Variants in SCN1A observed in about 807,000 individuals in gnomAD.
The protein encoded by SCN1A is sodium channel protein type 1 subunit alpha.
Under a neutral mutation model 193.7 loss-of-function variants are expected in SCN1A, and 13 were observed. The ratio of observed to expected loss-of-function variants is 0.07; its 90% confidence interval spans 0.04 to 0.11. The LOEUF (loss-of-function observed/expected upper bound fraction) is 0.11, where lower values mean the gene tolerates loss of function less well. SCN1A is among the 10% of genes least tolerant of loss of function. The pLI is 1.00. For missense variants in SCN1A, 1,432 were observed against 2,451.1 expected, an observed-to-expected ratio of 0.58 and a Z score of 8.78; for synonymous variants, 781 against 843.6, an observed-to-expected ratio of 0.93 and a Z score of 1.29.
intron 1 of SCN1A, among the ~76,000 whole-genome samples, chr2:166,146,892 G>C (rs544066792): frequency 1.3e-5 from 2 of 152,262 alleles, no homozygotes; most frequent in African/African-American, 4.8e-5. Flanking sequence ...ACATAGTACT[G>C]CTTACAGTAG....
intron 2 of SCN1A, among the ~76,000 whole-genome samples, chr2:166,113,064 G>A (rs1031429195): frequency 1.3e-5 from 2 of 152,128 alleles, no homozygotes; most frequent in African/African-American, 4.8e-5. Flanking sequence ...AGTTCCAGAG[G>A]CCTGGGTCTT....
At chr2:166,011,122 C>A (rs978310419) in intron 22 of SCN1A, among the ~76,000 whole-genome samples, 13 of 151,160 alleles carry the variant, frequency 8.6e-5, no homozygotes, top group African/African-American at 3.1e-4. Context: ...AGATTTCTCT[C>A]AATTGGCTCA....
chr2:166,055,175 C>T (rs10209560), intron 6 of SCN1A, among the ~76,000 whole-genome samples: 72,712 of 149,156 alleles, frequency 0.49, 18,181 homozygotes, highest in East Asian at 0.57. Flanking sequence ...TGAGAGGAAA[C>T]TGACAAATTA....
chr2:166,039,348 CTA>C, intron 17 of SCN1A, 73 bp downstream of exon 17: 5 of 1,474,282 alleles, frequency 3.4e-6, no homozygotes, highest in Non-Finnish European at 4.7e-6. Flanking sequence ...GGCAAAAAAA[CTA>C]TGACATTGCT....
chr2:166,095,674 A>C (rs1186871618), intron 2 of SCN1A, among the ~76,000 whole-genome samples: 2 of 152,184 alleles, frequency 1.3e-5, no homozygotes, highest in East Asian at 1.9e-4. Flanking sequence ...TTCTTGGTTC[A>C]AAATATACTA....
At chr2:166,070,231 C>G (rs1418614472) in intron 4 of SCN1A, among the ~76,000 whole-genome samples, 1 of 152,278 alleles carries the variant, frequency 6.6e-6, no homozygotes, top group Non-Finnish European at 1.5e-5. Flanking sequence ...ATCATGTGTT[C>G]TAAGCACACC....
At position 166,117,735 on chromosome 2, in the gene SCN1A, G is replaced by A. The variant is rs573449762; in HGVS notation, c.-142+9189C>T. 6.6e-5 allele frequency among the ~76,000 whole-genome samples: 10 copies of A among 152,298 alleles called. No homozygotes were observed. The East Asian group carries it at 1.7e-3, about 27-fold the overall frequency. ...TTTTTGGCCGGGCACGGAGGTTCAT[G>A]CCTGTAATCCCAGCACTTTGGGAGG... On this transcript the variant is annotated intron_variant, in intron 2 of 28. Coordinates refer to ENST00000674923, the MANE Select transcript of SCN1A (RefSeq NM_001165963.4).
intron 2 of SCN1A, among the ~76,000 whole-genome samples, chr2:166,091,593 T>A (rs917013219): frequency 6.6e-6 from 1 of 152,192 alleles, no homozygotes; most frequent in South Asian, 2.1e-4. Context: ...GACTGCCTGC[T>A]ATATTTGCAG....
chr2:166,123,669 C>G (rs994069284), intron 2 of SCN1A: 2 of 152,160 alleles, frequency 1.3e-5, no homozygotes, highest in South Asian at 4.1e-4. Context: ...GAGAACTTTA[C>G]AAACTCTCAA....
At chr2:166,013,580 T>A (rs1692829822) in intron 21 of SCN1A, among the ~76,000 whole-genome samples, 164 bp downstream of exon 21, 1 of 151,506 alleles carries the variant, frequency 6.6e-6, no homozygotes, top group African/African-American at 2.4e-5. Flanking sequence ...TAGTAAAAGT[T>A]AATCCAGAAA....
intron 19 of SCN1A, among the ~76,000 whole-genome samples, chr2:166,019,023 A>T (rs1193665313): frequency 2.6e-5 from 4 of 152,220 alleles, no homozygotes; most frequent in Admixed American, 2.6e-4. Flanking sequence ...CATGAGGACT[A>T]CTTTATAAAC....
At chr2:166,033,125 G>A (rs895915009) in intron 19 of SCN1A, among the ~76,000 whole-genome samples, 2 of 152,110 alleles carry the variant, frequency 1.3e-5, no homozygotes, top group Admixed American at 6.5e-5. Flanking sequence ...AGACGCATGA[G>A]TCAAGAAGAT....
upstream of SCN1A, among the ~76,000 whole-genome samples, chr2:166,131,511 A>C (rs149523559): frequency 1.3e-5 from 2 of 152,284 alleles, no homozygotes; most frequent in East Asian, 1.9e-4. Flanking sequence ...CTGTCAATAG[A>C]TTTTGGGTAT....
chr2:166,008,629 T>G (rs1372491416), intron 23 of SCN1A, among the ~76,000 whole-genome samples: 1 of 151,146 alleles, frequency 6.6e-6, no homozygotes, highest in Admixed American at 6.6e-5. Context: ...AGTTTTCATA[T>G]ATGTTAGGGA....
chr2:166,063,956 T>C (rs1193609174), intron 4 of SCN1A, among the ~76,000 whole-genome samples: 1 of 152,082 alleles, frequency 6.6e-6, no homozygotes, highest in Admixed American at 6.6e-5. Flanking sequence ...AAACCATCCA[T>C]TGTTCAGCAA....
intron 19 of SCN1A, among the ~76,000 whole-genome samples, chr2:166,033,466 C>T (rs1031003750): frequency 1.5e-5 from 1 of 66,540 alleles, no homozygotes; most frequent in African/African-American, 7.9e-5. Context: ...AATCCCAGCA[C>T]TTTGGGAGGC....
intron 2 of SCN1A, among the ~76,000 whole-genome samples, chr2:166,124,373 A>AC (rs1690992526): frequency 6.6e-6 from 1 of 151,816 alleles, no homozygotes; most frequent in Non-Finnish European, 1.5e-5. Context: ...ACATAGTGAA[A>AC]CCCCATCTCT....
chr2:166,081,833 T>C (rs1050807556), intron 2 of SCN1A, among the ~76,000 whole-genome samples: 12 of 151,992 alleles, frequency 7.9e-5, no homozygotes, highest in Non-Finnish European at 4.4e-5. Flanking sequence ...AATGCTATTG[T>C]TATGATCTAT....
chr2:166,120,806 G>C (rs908436430), intron 2 of SCN1A, among the ~76,000 whole-genome samples: 9 of 151,252 alleles, frequency 6.0e-5, no homozygotes, highest in Non-Finnish European at 1.3e-4. Context: ...AGTAGAGACG[G>C]GGTTTCACCA....
Sources: gnomAD v4.1 joint callset for allele counts (sites outside exome capture counted in the v4.1 genomes callset) on GRCh38, gnomAD v4.1.1 for gene constraint, MANE v1.5 for transcripts, NCBI Gene and HGNC (gene_info 2026-07-23, HGNC 2026-07-21) for gene names.